SNX29: variants seen among roughly 807,000 people sequenced by gnomAD.
SNX29 encodes sorting nexin 29, also known as sorting nexin-29.
SNX29 carries 78 observed loss-of-function variants against 102.1 expected under a neutral mutation model. That is an observed-to-expected ratio of 0.76 (90% confidence interval 0.64 to 0.92). The LOEUF (loss-of-function observed/expected upper bound fraction) is 0.92, where lower values mean the gene tolerates loss of function less well. Ranked by LOEUF, SNX29 falls within the 40% of genes least tolerant of loss-of-function variation. The probability of loss-of-function intolerance (pLI) is 0.00; values close to 1 mark genes in which losing one functional copy is unlikely to be tolerated. For missense variants in SNX29, 1,280 were observed against 1,061.7 expected (o/e 1.21, Z -2.86); for synonymous variants, 580 against 414.5 (o/e 1.40, Z -4.85).
chr16:12,422,474 C>T (rs557029451), intron 18 of SNX29, among the ~76,000 whole-genome samples: 1 of 152,356 alleles, frequency 6.6e-6, no homozygotes, highest in South Asian at 2.1e-4. Flanking sequence ...GTAACTTCTT[C>T]CAAATCCCCT....
In SNX29 at chr16:12,504,436, C is replaced by T. The variant is rs193027960; in HGVS notation, c.2179-20266C>T. Among the ~76,000 whole-genome samples, 495 of 152,324 alleles carry T rather than the reference C, an allele frequency of 3.2e-3. 2 individuals carry two copies. Among genetic ancestry groups the T allele is most frequent in the Non-Finnish European group, 5.4e-3 (366 of 68,020 alleles). ...CAACCCCCAGCCCTAGGCAACCACT[C>T]ATCTGCTTTCCGTGTCTGTAGGATT... On this transcript the variant is annotated intron_variant, in intron 19 of 20. Transcript: ENST00000566228.
At chr16:12,225,458 G>T (rs1280903463) in intron 14 of SNX29, among the ~76,000 whole-genome samples, 2 of 152,018 alleles carry the variant, frequency 1.3e-5, no homozygotes, top group African/African-American at 4.8e-5. Context: ...TTTAAAAACG[G>T]GACTTTCCCT....
chr16:12,022,990 G>A (rs574169130), intron 3 of SNX29, among the ~76,000 whole-genome samples: 9 of 150,104 alleles, frequency 6.0e-5, no homozygotes, highest in Admixed American at 4.7e-4. Flanking sequence ...TATGCCCCCT[G>A]GGTCCAAGGA....
intron 11 of SNX29, among the ~76,000 whole-genome samples, chr16:12,125,621 T>C (rs1433930708): frequency 5.0e-5 from 6 of 120,072 alleles, no homozygotes; most frequent in Non-Finnish European, 7.2e-5. Context: ...TTTTTTTTTT[T>C]TTTTTTTTTT....
At chr16:12,299,692 C>T (rs992944928) in intron 15 of SNX29, among the ~76,000 whole-genome samples, 3 of 151,230 alleles carry the variant, frequency 2.0e-5, no homozygotes, top group Admixed American at 6.6e-5. Flanking sequence ...CCCCACCTGC[C>T]TCTTCCCTCC....
At chr16:12,065,050 T>C (rs1419831867) in intron 9 of SNX29, among the ~76,000 whole-genome samples, 1 of 152,112 alleles carries the variant, frequency 6.6e-6, no homozygotes, top group Admixed American at 6.5e-5. Context: ...TTTCTGCAGC[T>C]GAGTGTTGGG....
chr16:12,505,812 G>A (rs1394241179), intron 19 of SNX29, among the ~76,000 whole-genome samples: 2 of 142,542 alleles, frequency 1.4e-5, no homozygotes, highest in Non-Finnish European at 3.0e-5. Context: ...AAGGAATGAC[G>A]TTGAATCTGC....
chr16:12,364,432 A>G (rs74982398), intron 16 of SNX29, among the ~76,000 whole-genome samples: 1 of 134,924 alleles, frequency 7.4e-6, no homozygotes, highest in Non-Finnish European at 1.6e-5. Context: ...TTTTTTTTTT[A>G]CTGTGAGTAT....
At chr16:12,186,606 T>C (rs1360913654) in intron 13 of SNX29, among the ~76,000 whole-genome samples, 4 of 152,192 alleles carry the variant, frequency 2.6e-5, no homozygotes, top group African/African-American at 7.2e-5. Context: ...TCATGGCTAA[T>C]CTCTCTGACT....
intron 19 of SNX29, among the ~76,000 whole-genome samples, chr16:12,518,212 G>A (rs535042132): frequency 6.6e-6 from 1 of 152,262 alleles, no homozygotes; most frequent in African/African-American, 2.4e-5. Context: ...CTGTCCCCCA[G>A]CATTGCTTCT....
intron 18 of SNX29, 125 bp from the exon 19 acceptor site, chr16:12,477,594 T>C (rs1197378911): frequency 9.0e-7 from 1 of 1,112,030 alleles, no homozygotes; most frequent in Non-Finnish European, 1.3e-6. Context: ...GAACTGGGCA[T>C]CCAGTGGTGT....
chr16:12,471,139 C>T (rs1037354368), intron 18 of SNX29, among the ~76,000 whole-genome samples: 12 of 152,140 alleles, frequency 7.9e-5, no homozygotes, highest in Non-Finnish European at 1.8e-4. Flanking sequence ...CTTGGCACAC[C>T]CTTAAACCAG....
chr16:12,433,798 C>G (rs930068234), intron 18 of SNX29, among the ~76,000 whole-genome samples: 4 of 152,102 alleles, frequency 2.6e-5, no homozygotes, highest in South Asian at 2.1e-4. Context: ...CACTCCAGCC[C>G]AGGCGACAGA....
At chr16:12,235,302 C>G (rs1450717735) in intron 14 of SNX29, among the ~76,000 whole-genome samples, 1 of 152,162 alleles carries the variant, frequency 6.6e-6, no homozygotes, top group Non-Finnish European at 1.5e-5. Flanking sequence ...AAGTCAGAGA[C>G]CAGCTGGCAC....
Position 12,153,640 on chromosome 16 carries a change from A to ATT in SNX29, c.1595+23898_1595+23899dup, listed in dbSNP as rs144224447. Among the ~76,000 whole-genome samples, 188 of 139,284 alleles carry ATT rather than the reference A, an allele frequency of 1.3e-3. 1 individual carries two copies. The highest frequency in any genetic ancestry group is 4.0e-3 in the African/African-American group (150 of 37,774). 91.4% of individuals were successfully genotyped at this position (139,284 alleles called of 152,430 possible). A position where few individuals can be genotyped will look rare whatever the true frequency, so the allele number is the denominator to read the frequency against. ...AGGCGTGCACCACCACACCTGGCTA[A>ATT]TTTTTTTTTTTTTTTTTAGTAGAGA... On this transcript the variant is annotated intron_variant, in intron 13 of 20. Transcript: ENST00000566228.
intron 1 of SNX29, among the ~76,000 whole-genome samples, chr16:11,991,919 G>T (rs752146988): frequency 1.4e-4 from 21 of 152,018 alleles, no homozygotes; most frequent in Non-Finnish European, 2.8e-4. Context: ...GCCTTGTCTA[G>T]CCCTTGGGAG....
At chr16:12,536,466 C>T (rs538687582) in intron 20 of SNX29, among the ~76,000 whole-genome samples, 11 of 152,148 alleles carry the variant, frequency 7.2e-5, no homozygotes, top group Non-Finnish European at 1.2e-4. Context: ...AAGGCTATGC[C>T]GTTTACTTTA....
intron 15 of SNX29, among the ~76,000 whole-genome samples, chr16:12,328,119 G>C (rs2081177975): frequency 6.6e-6 from 1 of 152,188 alleles, no homozygotes. Context: ...CCTCTCCCTT[G>C]TAGTCGTGGG....
chr16:12,302,024 G>A (rs1028401228), intron 15 of SNX29, among the ~76,000 whole-genome samples: 3 of 152,162 alleles, frequency 2.0e-5, no homozygotes, highest in African/African-American at 4.8e-5. Flanking sequence ...TTAGAATCTG[G>A]TTCTGTCTCA....
Sources: allele counts gnomAD v4.1 joint callset (sites outside exome capture counted in the v4.1 genomes callset), GRCh38; gene constraint gnomAD v4.1.1; transcripts MANE v1.5; gene names NCBI Gene and HGNC (gene_info 2026-07-23, HGNC 2026-07-21).